The following TOX variants were observed in gnomAD, a reference collection of about 807,000 sequenced individuals.
TOX encodes thymocyte selection associated high mobility group box, also known as thymocyte selection-associated high mobility group box protein TOX.
Under a neutral mutation model 53.7 loss-of-function variants are expected in TOX, and 11 were observed. That is an observed-to-expected ratio of 0.20 (90% confidence interval 0.13 to 0.34). TOX has a LOEUF of 0.34. Among genes scored for constraint, TOX ranks in the 10% least tolerant of loss-of-function variants. The pLI is 1.00. For missense variants in TOX, 570 were observed against 664.6 expected, an observed-to-expected ratio of 0.86 and a Z score of 1.56; for synonymous variants, 225 against 245.3, an observed-to-expected ratio of 0.92 and a Z score of 0.77.
intron 1 of TOX, among the ~76,000 whole-genome samples, chr8:58,998,009 G>T (rs1178998871): frequency 6.6e-6 from 1 of 151,996 alleles, no homozygotes; most frequent in South Asian, 2.1e-4. Flanking sequence ...AGCCAGGATG[G>T]TCTCGATCTC....
intron 1 of TOX, among the ~76,000 whole-genome samples, chr8:59,055,360 G>A (rs1285630137): frequency 6.6e-6 from 1 of 152,156 alleles, no homozygotes; most frequent in East Asian, 1.9e-4. Flanking sequence ...ATTTTCTCAT[G>A]TTTGAGCTTG....
intron 1 of TOX, among the ~76,000 whole-genome samples, chr8:58,966,953 C>A (rs1440456207): frequency 6.7e-6 from 1 of 150,170 alleles, no homozygotes; most frequent in Admixed American, 6.7e-5. Context: ...TGGCTCACTG[C>A]AAGCTCTGCC....
At chr8:59,037,455 T>C (rs1016445007) in intron 1 of TOX, among the ~76,000 whole-genome samples, 2 of 152,118 alleles carry the variant, frequency 1.3e-5, no homozygotes, top group Admixed American at 6.5e-5. Flanking sequence ...CGCAATTCTG[T>C]ACTTAAAACA....
At chr8:58,822,628 G>A (rs541683009) in intron 6 of TOX, among the ~76,000 whole-genome samples, 1 of 152,226 alleles carries the variant, frequency 6.6e-6, no homozygotes, top group Non-Finnish European at 1.5e-5. Context: ...CTCAGCCTCT[G>A]TTGGTAGTGG....
chr8:59,013,372 T>C (rs1813946769), intron 1 of TOX, among the ~76,000 whole-genome samples: 1 of 151,892 alleles, frequency 6.6e-6, no homozygotes, highest in South Asian at 2.1e-4. Context: ...ATTTGATAAT[T>C]TAAAACTCTG....
chr8:59,075,959 C>T (rs58036263), intron 1 of TOX, among the ~76,000 whole-genome samples: 3 of 150,658 alleles, frequency 2.0e-5, no homozygotes, highest in East Asian at 2.0e-4. Context: ...GAGCCCAGAT[C>T]GCGCCATTGC....
intron 3 of TOX, among the ~76,000 whole-genome samples, chr8:58,906,795 G>A (rs1370370506): frequency 6.6e-6 from 1 of 152,136 alleles, no homozygotes; most frequent in Non-Finnish European, 1.5e-5. Flanking sequence ...AGCCAGGCTT[G>A]TTTGCTTTCT....
At chr8:58,893,203 C>T (rs1467000277) in intron 3 of TOX, among the ~76,000 whole-genome samples, 1 of 104,600 alleles carries the variant, frequency 9.6e-6, no homozygotes. Flanking sequence ...AGATTACATC[C>T]ATAATCTCCC....
intron 1 of TOX, among the ~76,000 whole-genome samples, chr8:59,101,516 G>T (rs1402776271): frequency 6.6e-6 from 1 of 152,188 alleles, no homozygotes; most frequent in Admixed American, 6.5e-5. Flanking sequence ...GAGAATAAAT[G>T]TACATAAACT....
At position 59,118,944 on chromosome 8, in the gene TOX, G is replaced by A; in HGVS notation, c.44C>T (p.Ala15Val). ...AGGTCCCAGACAGGGAGCGTCGGGC[G>A]CAGCGGCGGGCTGGGCTGGAGGTGG... ...FYPPPAQPAA[A>V]PDAPCLGPSP... The change falls in exon 1 of 9, where the codon GCG becomes GTG. Residue 15 changes from alanine (A) to valine (V), a missense_variant. Ala to Val is a moderately conservative substitution (Grantham distance 64). This residue lies in a region of TOX where 282 missense variants were observed against 315.0 expected (regional missense o/e 0.90). Coordinates refer to ENST00000361421, the MANE Select transcript of TOX (RefSeq NM_014729.3). This position sits in a 1 kb window ranked among gnomAD's most constrained non-coding sequence, Gnocchi z 4.1. 6.2e-7 allele frequency: 1 copy of A among 1,602,136 alleles called. No individual in the cohort carries two copies. Among genetic ancestry groups the A allele is most frequent in the African/African-American group, 1.4e-5 (1 of 73,552 alleles).
intron 3 of TOX, among the ~76,000 whole-genome samples, chr8:58,934,783 T>C (rs1393342780): frequency 3.9e-5 from 6 of 152,236 alleles, no homozygotes; most frequent in African/African-American, 1.4e-4. Flanking sequence ...GCTTTTCTCA[T>C]TTTATTTAAC....
At chr8:58,834,667 C>G (rs1810518792) in intron 5 of TOX, among the ~76,000 whole-genome samples, 1 of 152,214 alleles carries the variant, frequency 6.6e-6, no homozygotes, top group African/African-American at 2.4e-5. Context: ...ATGACTCTAG[C>G]AAACTGCTAG....
intron 3 of TOX, among the ~76,000 whole-genome samples, chr8:58,897,253 C>CT (rs1811666100): frequency 6.6e-6 from 1 of 152,166 alleles, no homozygotes; most frequent in Non-Finnish European, 1.5e-5. Flanking sequence ...ACTCTATAAA[C>CT]ATTTTTATTT....
intron 1 of TOX, among the ~76,000 whole-genome samples, chr8:58,989,473 G>C (rs559656789): frequency 6.6e-6 from 1 of 152,144 alleles, no homozygotes; most frequent in African/African-American, 2.4e-5. Flanking sequence ...TCCTCTGTCC[G>C]GTGATGTGCC....
intron 3 of TOX, among the ~76,000 whole-genome samples, chr8:58,930,100 A>G (rs1371043817): frequency 6.6e-6 from 1 of 152,190 alleles, no homozygotes; most frequent in East Asian, 1.9e-4. Flanking sequence ...GGTCTTTTGA[A>G]AGCATTATAG....
chr8:59,016,919 G>A (rs1305307499), intron 1 of TOX, among the ~76,000 whole-genome samples: 1 of 152,222 alleles, frequency 6.6e-6, no homozygotes, highest in Non-Finnish European at 1.5e-5. Flanking sequence ...GCCTAGCAGA[G>A]CTTCTGGGTC....
At chr8:59,097,441 T>C (rs10112035) in intron 1 of TOX, among the ~76,000 whole-genome samples, 14,994 of 152,270 alleles carry the variant, frequency 0.098, 965 homozygotes, top group Middle Eastern at 0.2. Context: ...ACAATTTTTA[T>C]CATTTAATCC....
At chr8:59,103,334 T>C (rs147042203) in intron 1 of TOX, among the ~76,000 whole-genome samples, 2 of 152,216 alleles carry the variant, frequency 1.3e-5, no homozygotes, top group Non-Finnish European at 2.9e-5. Context: ...GCCTCAACTC[T>C]ATTTTTTAAT....
chr8:58,838,542 G>T (rs1036013041), intron 4 of TOX, among the ~76,000 whole-genome samples: 3 of 151,700 alleles, frequency 2.0e-5, no homozygotes, highest in African/African-American at 2.4e-5. Context: ...TTTGAAAAAA[G>T]TTGGCTCTTT....
Sources: gnomAD v4.1 joint callset for allele counts (sites outside exome capture counted in the v4.1 genomes callset) on GRCh38, gnomAD v4.1.1 for gene constraint, gnomAD v4.1.1 regional missense constraint, Gnocchi (gnomAD v3.1) non-coding constraint, MANE v1.5 for transcripts, NCBI Gene and HGNC (gene_info 2026-07-23, HGNC 2026-07-21) for gene names.